The following SNX10 variants were observed in gnomAD, a reference collection of about 807,000 sequenced individuals.
SNX10 encodes the protein sorting nexin-10.
In SNX10, 25 loss-of-function variants were observed where a neutral mutation model predicts 28.5. The ratio of observed to expected loss-of-function variants is 0.88; its 90% CI spans 0.64 to 1.22. SNX10 has a LOEUF of 1.22. SNX10 is among the 50% of genes most tolerant of loss of function. The pLI is 0.00. For synonymous variants in SNX10, 62 were observed against 81.4 expected (o/e 0.76, Z 1.28); for missense variants, 223 against 242.6 (o/e 0.92, Z 0.54).
At chr7:26,293,664 C>T (rs916774854) in intron 1 of SNX10, among the ~76,000 whole-genome samples, 10 of 152,172 alleles carry the variant, frequency 6.6e-5, no homozygotes, top group Non-Finnish European at 1.3e-4. Flanking sequence ...GTTTCTTCTA[C>T]CAGTCCATTT....
At position 26,372,671 on chromosome 7, in the gene SNX10, C is replaced by A; in HGVS notation, c.*99C>A. 4.0e-6 allele frequency: 3 copies of A among 741,472 alleles called. No homozygotes were observed. The highest frequency in any genetic ancestry group is 3.1e-5 in the South Asian group (2 of 64,120). 45.9% of individuals were successfully genotyped at this position (741,472 alleles called of 1,614,324 possible). A position where few individuals can be genotyped will look rare whatever the true frequency, so the allele number is the denominator to read the frequency against. On this transcript the variant is annotated 3_prime_UTR_variant, in exon 7 of 7. Transcript: ENST00000338523. ...TACATTCTTACCTAAAGCTCACTGT[C>A]ATGATGTTAGGTATTTAAATTCTTA...
At chr7:26,293,469 G>C (rs1372681217) in intron 1 of SNX10, among the ~76,000 whole-genome samples, 1 of 152,166 alleles carries the variant, frequency 6.6e-6, no homozygotes, top group Non-Finnish European at 1.5e-5. Flanking sequence ...GCCTCCCAAA[G>C]TGCTAGGATT....
At chr7:26,343,041 T>C (rs140152447) in intron 1 of SNX10, among the ~76,000 whole-genome samples, 202 of 152,202 alleles carry the variant, frequency 1.3e-3, no homozygotes, top group African/African-American at 4.7e-3. Flanking sequence ...AACTCCTAAG[T>C]GATCTGCCCG....
intron 1 of SNX10, among the ~76,000 whole-genome samples, chr7:26,342,474 T>C (rs1204054262): frequency 6.6e-6 from 1 of 152,254 alleles, no homozygotes; most frequent in Non-Finnish European, 1.5e-5. Context: ...AATGATACTT[T>C]CTCTTGTGTC....
At chr7:26,310,905 A>C (rs1478397025) in intron 1 of SNX10, among the ~76,000 whole-genome samples, 1 of 151,862 alleles carries the variant, frequency 6.6e-6, no homozygotes, top group Non-Finnish European at 1.5e-5. Context: ...GGATGGTCTC[A>C]ATCTCCGGAC....
intron 1 of SNX10, among the ~76,000 whole-genome samples, chr7:26,323,954 A>C (rs948786737): frequency 2.0e-5 from 3 of 152,232 alleles, no homozygotes; most frequent in African/African-American, 7.2e-5. Context: ...AATGCAACAG[A>C]GGACTGCCGT....
intron 5 of SNX10, among the ~76,000 whole-genome samples, chr7:26,367,038 T>TC (rs1789319152): frequency 6.6e-6 from 1 of 152,174 alleles, no homozygotes; most frequent in Non-Finnish European, 1.5e-5. Flanking sequence ...TGGTTTTTTT[T>TC]CTAGCTGCAT....
At chr7:26,365,175 C>T (rs1273531298) in intron 5 of SNX10, 30 bp downstream of exon 5, 1 of 1,338,046 alleles carries the variant, frequency 7.5e-7, no homozygotes, top group Admixed American at 1.7e-5. Context: ...TGTGGCCAGA[C>T]AAGGGGTGTG....
At chr7:26,317,798 G>T (rs10234415) in intron 1 of SNX10, among the ~76,000 whole-genome samples, 1 of 151,802 alleles carries the variant, frequency 6.6e-6, no homozygotes, top group Admixed American at 6.6e-5. Context: ...GCATAGCTGA[G>T]ATTAAAGGCA....
At chr7:26,355,120 C>A (rs936399026) in intron 2 of SNX10, among the ~76,000 whole-genome samples, 9 of 152,046 alleles carry the variant, frequency 5.9e-5, no homozygotes, top group Non-Finnish European at 1.2e-4. Flanking sequence ...TGTTTTTGCA[C>A]CTTTGTCAAA....
At chr7:26,358,805 G>GTTTTTGTTTTTTTTT (rs1554360948) in intron 2 of SNX10, among the ~76,000 whole-genome samples, 5 of 100,112 alleles carry the variant, frequency 5.0e-5, no homozygotes, top group African/African-American at 2.2e-4. Context: ...GTTATCTTGT[G>GTTTTTGTTTTTTTTT]TTTTTTTTTT....
At chr7:26,332,775 A>G (rs1787793558) in intron 1 of SNX10, among the ~76,000 whole-genome samples, 1 of 152,166 alleles carries the variant, frequency 6.6e-6, no homozygotes. Context: ...GCTCAACTTC[A>G]TTCTTTTGCG....
intron 1 of SNX10, among the ~76,000 whole-genome samples, chr7:26,295,555 A>G (rs1786075998): frequency 3.3e-5 from 5 of 152,168 alleles, no homozygotes; most frequent in Admixed American, 3.3e-4. Flanking sequence ...CTACACAGCT[A>G]ATTAGAGGTA....
At chr7:26,342,028 C>CTTTTTTTTT (rs35337348) in intron 1 of SNX10, among the ~76,000 whole-genome samples, 2 of 111,652 alleles carry the variant, frequency 1.8e-5, no homozygotes, top group Non-Finnish European at 1.8e-5. Flanking sequence ...TTTCTTCTTT[C>CTTTTTTTTT]TTTTTTTTTT....
chr7:26,327,103 A>G (rs1787530532), intron 1 of SNX10, among the ~76,000 whole-genome samples: 1 of 152,058 alleles, frequency 6.6e-6, no homozygotes, highest in Non-Finnish European at 1.5e-5. Context: ...GGTGTGCGCC[A>G]CCATCCCTGG....
intron 1 of SNX10, among the ~76,000 whole-genome samples, chr7:26,328,765 G>A (rs1310052321): frequency 2.6e-5 from 4 of 152,092 alleles, no homozygotes; most frequent in African/African-American, 9.7e-5. Context: ...TTCCCATCAT[G>A]GGCCTCGCTG....
intron 2 of SNX10, among the ~76,000 whole-genome samples, chr7:26,347,182 C>T (rs914303870): frequency 1.3e-5 from 2 of 152,234 alleles, no homozygotes; most frequent in Non-Finnish European, 2.9e-5. Context: ...CCAGCTCACC[C>T]TGCACAAGTG....
At chr7:26,341,632 A>C (rs1788181267) in intron 1 of SNX10, among the ~76,000 whole-genome samples, 1 of 151,436 alleles carries the variant, frequency 6.6e-6, no homozygotes, top group Non-Finnish European at 1.5e-5. Flanking sequence ...GTAGCTGTTT[A>C]TGCCAGCATG....
intron 2 of SNX10, chr7:26,360,665 A>T: frequency 3.3e-6 from 1 of 305,798 alleles, no homozygotes; most frequent in Non-Finnish European, 5.5e-6. Context: ...TGAACCAATT[A>T]TTTAAGATTA....
Sources: allele counts gnomAD v4.1 joint callset (sites outside exome capture counted in the v4.1 genomes callset), GRCh38; gene constraint gnomAD v4.1.1; transcripts MANE v1.5; gene names NCBI Gene and HGNC (gene_info 2026-07-23, HGNC 2026-07-21).